Variants in SLC35G2 observed in about 807,000 individuals in gnomAD.
SLC35G2 encodes transmembrane protein 22.
In SLC35G2, 20 loss-of-function variants were observed where a neutral mutation model predicts 27.2. The ratio of observed to expected loss-of-function variants is 0.74; its 90% CI spans 0.52 to 1.07. SLC35G2 has a LOEUF of 1.07. Ranked by LOEUF, SLC35G2 falls within the 50% of genes least tolerant of loss-of-function variation. The pLI is 0.00. For synonymous variants in SLC35G2, 148 were observed against 165.3 expected (o/e 0.90, Z 0.80); for missense variants, 416 against 493.3 (o/e 0.84, Z 1.48).
chr3:136,854,548 T>C lies in SLC35G2; in HGVS notation c.88T>C (p.Tyr30His), dbSNP rs776597821. ...NTVMVKYTSHYPQPGDDGYEE... is the reference protein window; with the variant it reads ...NTVMVKYTSHHPQPGDDGYEE... ...AGTGATGGTGAAATATACTTCTCAT[T>C]ATCCCCAGCCTGGCGATGATGGATA... is the stretch of plus-strand genomic sequence containing the variant. Residue 30 changes from tyrosine (Y) to histidine (H), a missense_variant, in exon 2 of 2, where the codon TAT becomes CAT. Tyr to His is a moderately conservative substitution (Grantham distance 83). Coordinates refer to ENST00000446465, the MANE Select transcript of SLC35G2 (RefSeq NM_025246.3). 6.2e-7 allele frequency: 1 copy of C among 1,610,810 alleles called. No homozygotes were observed. The highest frequency in any genetic ancestry group is 1.1e-5 in the South Asian group (1 of 90,044).
chr3:136,825,308 T>G (rs1936558389), intron 1 of SLC35G2, among the ~76,000 whole-genome samples: 1 of 151,312 alleles, frequency 6.6e-6, no homozygotes, highest in Non-Finnish European at 1.5e-5. Flanking sequence ...TGGTGCCATC[T>G]TGGCTCACTG....
chr3:136,820,283 TG>T, intron 1 of SLC35G2: 1 of 152,610 alleles, frequency 6.6e-6, no homozygotes, highest in Middle Eastern at 3.4e-3. Context: ...GGAAAGGACT[TG>T]GCTCAGGCTT....
intron 1 of SLC35G2, chr3:136,837,819 C>A (rs1481046153): frequency 6.6e-6 from 1 of 150,688 alleles, no homozygotes; most frequent in Non-Finnish European, 1.5e-5. Context: ...ATTTTGACAC[C>A]ACATGTTCCT....
chr3:136,822,166 C>T (rs1161014599), intron 1 of SLC35G2, among the ~76,000 whole-genome samples: 1 of 152,146 alleles, frequency 6.6e-6, no homozygotes, highest in Admixed American at 6.5e-5. Flanking sequence ...TTATTATTGA[C>T]TATAGTCATC....
chr3:136,824,147 C>T (rs146095500), intron 1 of SLC35G2, among the ~76,000 whole-genome samples: 1,632 of 152,188 alleles, frequency 0.011, 11 homozygotes, highest in Middle Eastern at 0.024. Flanking sequence ...TTTGAAGTCA[C>T]GTAATGTGAT....
chr3:136,853,346 C>T (rs1240530938), intron 1 of SLC35G2, among the ~76,000 whole-genome samples: 6 of 152,004 alleles, frequency 3.9e-5, no homozygotes, highest in African/African-American at 1.2e-4. Flanking sequence ...TCAAGTGATC[C>T]GCCCGCCTCA....
At chr3:136,838,497 G>A (rs1474348984) in intron 1 of SLC35G2, 4 of 152,116 alleles carry the variant, frequency 2.6e-5, no homozygotes, top group African/African-American at 9.7e-5. Flanking sequence ...TATATGGGAA[G>A]AGGTGACTGA....
At position 136,829,295 on chromosome 3, in the gene SLC35G2, C is replaced by T. The variant is rs529743459; in HGVS notation, c.-19+9667C>T. On this transcript the variant is annotated intron_variant, in intron 1 of 1. Transcript: ENST00000446465. ...GGAGTGCAGTGGCGCCATCTTGGCT[C>T]ACTGCAACCTCCGCCTCCCGGGTTC... Among the ~76,000 whole-genome samples, 5 of 152,014 alleles carry T rather than the reference C, an allele frequency of 3.3e-5. No individual in the cohort carries two copies. The South Asian group carries it at 1.0e-3, about 32-fold the overall frequency.
chr3:136,822,429 C>T (rs1295615549), intron 1 of SLC35G2, among the ~76,000 whole-genome samples: 9 of 152,170 alleles, frequency 5.9e-5, no homozygotes, highest in Non-Finnish European at 1.3e-4. Flanking sequence ...ACTCTCCTGC[C>T]TTAGCCTCCC....
intron 1 of SLC35G2, among the ~76,000 whole-genome samples, chr3:136,834,234 G>C (rs1364574383): frequency 6.6e-6 from 1 of 152,176 alleles, no homozygotes; most frequent in Non-Finnish European, 1.5e-5. Flanking sequence ...TTGTTAGCAT[G>C]TCAGATGCAA....
At chr3:136,851,422 C>T (rs984444355) in intron 1 of SLC35G2, among the ~76,000 whole-genome samples, 17 of 123,906 alleles carry the variant, frequency 1.4e-4, no homozygotes, top group Admixed American at 4.5e-4. Context: ...GGTGTGAACC[C>T]GGGAGGTGGA....
chr3:136,837,211 A>C (rs186166994), intron 1 of SLC35G2: 11 of 152,274 alleles, frequency 7.2e-5, no homozygotes, highest in African/African-American at 2.6e-4. Context: ...CAGTTTGTAT[A>C]ATATTTCACC....
intron 1 of SLC35G2, among the ~76,000 whole-genome samples, chr3:136,841,364 T>C (rs1279083943): frequency 6.6e-6 from 1 of 152,174 alleles, no homozygotes; most frequent in Non-Finnish European, 1.5e-5. Flanking sequence ...ATGGATAGAA[T>C]GAAGGATTTC....
At chr3:136,843,812 T>C (rs1454489832) in intron 1 of SLC35G2, among the ~76,000 whole-genome samples, 1 of 151,778 alleles carries the variant, frequency 6.6e-6, no homozygotes, top group Non-Finnish European at 1.5e-5. Flanking sequence ...CGCACCCCTG[T>C]AGTCCCAGCT....
intron 1 of SLC35G2, among the ~76,000 whole-genome samples, chr3:136,825,173 T>C (rs915358937): frequency 2.5e-4 from 38 of 152,076 alleles, no homozygotes; most frequent in African/African-American, 5.8e-4. Context: ...TTTTTCTAGA[T>C]CTTGAAGGAA....
chr3:136,849,830 C>T (rs979294220), intron 1 of SLC35G2, among the ~76,000 whole-genome samples: 4 of 149,940 alleles, frequency 2.7e-5, no homozygotes, highest in African/African-American at 9.7e-5. Context: ...TTAGGCTGGG[C>T]GTGGTGGCTC....
Position 136,854,731 on chromosome 3 carries a change from C to T in SLC35G2, c.271C>T (p.Gln91Ter). The T allele has an allele frequency of 6.2e-7, 1 of 1,614,100 alleles. No individual in the cohort carries two copies. The highest frequency in any genetic ancestry group is 1.3e-5 in the African/African-American group (1 of 75,020). ...DPMINEIGQF[Q>*]SFAEKNIFQS... is the part of the protein sequence containing the mutation. ...AATGATCAATGAGATTGGACAATTC[C>T]AGAGCTTTGCAGAAAAAAACATTTT... The change falls in exon 2 of 2, where the codon CAG becomes TAG. Residue 91 changes from glutamine (Q) to a stop codon, truncating the protein, a stop_gained. Transcript: ENST00000446465. LOFTEE classifies it high-confidence loss of function.
chr3:136,826,972 C>CTT (rs368303100), intron 1 of SLC35G2, among the ~76,000 whole-genome samples: 16 of 32,830 alleles, frequency 4.9e-4, no homozygotes, highest in Admixed American at 8.9e-4. Context: ...TCTCTTTTTT[C>CTT]TTTTTTTTTT....
At chr3:136,844,780 A>G (rs1206517024) in intron 1 of SLC35G2, among the ~76,000 whole-genome samples, 18 of 145,602 alleles carry the variant, frequency 1.2e-4, no homozygotes, top group Non-Finnish European at 4.5e-5. Context: ...CCTGGGCGAC[A>G]GCAAGACTCT....
Sources: gnomAD v4.1 joint callset for allele counts (sites outside exome capture counted in the v4.1 genomes callset) on GRCh38, gnomAD v4.1.1 for gene constraint, MANE v1.5 for transcripts, NCBI Gene and HGNC (gene_info 2026-07-23, HGNC 2026-07-21) for gene names.